GALNT7: variants seen among roughly 807,000 people sequenced by gnomAD.
GALNT7 encodes the protein N-acetylgalactosaminyltransferase 7.
GALNT7 carries 60 observed loss-of-function variants against 82.1 expected under a neutral mutation model. The ratio of observed to expected loss-of-function variants is 0.73; its 90% confidence interval spans 0.59 to 0.91. GALNT7 has a LOEUF of 0.91. Among genes scored for constraint, GALNT7 ranks in the 40% least tolerant of loss-of-function variants. GALNT7 has a pLI of 0.00. For synonymous variants in GALNT7, 243 were observed against 275.1 expected, an observed-to-expected ratio of 0.88 and a Z score of 1.15; for missense variants, 660 against 804.2, an observed-to-expected ratio of 0.82 and a Z score of 2.17.
intron 1 of GALNT7, among the ~76,000 whole-genome samples, chr4:173,225,936 A>G (rs1394995733): frequency 6.6e-6 from 1 of 152,176 alleles, no homozygotes; most frequent in South Asian, 2.1e-4. Context: ...GAGCTAGGGT[A>G]GTTGTTCAAA....
chr4:173,246,409 CAT>C (rs1174651047), intron 1 of GALNT7, among the ~76,000 whole-genome samples: 1 of 152,026 alleles, frequency 6.6e-6, no homozygotes, highest in Admixed American at 6.5e-5. Context: ...TATATATACA[CAT>C]GTATGTTTAT....
intron 1 of GALNT7, among the ~76,000 whole-genome samples, chr4:173,183,890 C>A (rs1478137312): frequency 6.6e-6 from 1 of 150,918 alleles, no homozygotes; most frequent in Admixed American, 6.6e-5. Context: ...GACGGGGCGG[C>A]TGCCGGGTGG....
intron 1 of GALNT7, among the ~76,000 whole-genome samples, chr4:173,210,173 T>G (rs1333250765): frequency 6.6e-6 from 1 of 151,982 alleles, no homozygotes. Flanking sequence ...TATTTAATTA[T>G]GCTTACCTAG....
At position 173,247,996 on chromosome 4, in the gene GALNT7, A is replaced by T. The variant is rs187257127; in HGVS notation, c.143A>T (p.Asn48Ile). The T allele has an allele frequency of 6.2e-7, 1 of 1,611,600 alleles. No individual in the cohort carries two copies. Among genetic ancestry groups the T allele is most frequent in the Admixed American group, 1.7e-5 (1 of 59,826 alleles). ...LSRMREDRDV[N>I]DPMPNRGGNG... ...TTTGTATAGGAAGACAGAGATGTCA[A>T]TGACCCCATGCCCAACCGAGGCGGC... Residue 48 changes from asparagine (N) to isoleucine (I), a missense_variant, in exon 2 of 12, where the codon AAT becomes ATT. By Grantham distance (149) the Asn-to-Ile change is moderately radical. Coordinates refer to ENST00000265000, the MANE Select transcript of GALNT7 (RefSeq NM_017423.3).
At chr4:173,216,039 G>T (rs1733439994) in intron 1 of GALNT7, among the ~76,000 whole-genome samples, 3 of 152,140 alleles carry the variant, frequency 2.0e-5, no homozygotes, top group Non-Finnish European at 1.5e-5. Context: ...TGGGAGGATG[G>T]CTTGAGCCTG....
chr4:173,284,321 G>T (rs1736230922), intron 2 of GALNT7, among the ~76,000 whole-genome samples: 1 of 152,184 alleles, frequency 6.6e-6, no homozygotes, highest in African/African-American at 2.4e-5. Flanking sequence ...TCAAGAACAT[G>T]ATTGACAAAT....
intron 2 of GALNT7, among the ~76,000 whole-genome samples, chr4:173,261,574 T>C (rs1244689697): frequency 2.0e-5 from 3 of 152,106 alleles, no homozygotes; most frequent in Non-Finnish European, 4.4e-5. Context: ...CCCAGCACTT[T>C]GGGAGGCCAA....
chr4:173,281,335 C>A (rs541560438), intron 2 of GALNT7, among the ~76,000 whole-genome samples: 14 of 152,320 alleles, frequency 9.2e-5, no homozygotes, highest in Admixed American at 2.0e-4. Context: ...CCTCACCAGA[C>A]CCACTATGGG....
Position 173,318,497 on chromosome 4 carries a change from G to A in GALNT7, c.1774G>A (p.Gly592Arg). ...YDQCLTKGAD[G>R]SKVMITHCNL... is the part of the protein sequence containing the mutation. ...CCAGTGTTTGACAAAGGGAGCTGAT[G>A]GATCAAAAGTTATGATTACACACTG... The change falls in exon 11 of 12, where the codon GGA becomes AGA. Residue 592 changes from glycine to arginine, a missense_variant. Gly to Arg is a moderately radical substitution (Grantham distance 125, BLOSUM62 -2). Transcript: ENST00000265000. 2 of 1,582,094 alleles carry A rather than the reference G, an allele frequency of 1.3e-6. No homozygotes were observed. The highest frequency in any genetic ancestry group is 1.7e-6 in the Non-Finnish European group (2 of 1,152,080).
intron 1 of GALNT7, among the ~76,000 whole-genome samples, chr4:173,240,978 T>C: frequency 6.6e-6 from 1 of 152,120 alleles, no homozygotes; most frequent in Non-Finnish European, 1.5e-5. Flanking sequence ...GGGAGGGGAT[T>C]GCACTGGATG....
intron 1 of GALNT7, among the ~76,000 whole-genome samples, chr4:173,203,119 G>A (rs1258534696): frequency 3.3e-5 from 5 of 150,520 alleles, no homozygotes; most frequent in Admixed American, 6.6e-5. Context: ...TTTTTGAGAC[G>A]GAGTCTCGCT....
At chr4:173,245,482 G>A (rs1579950232) in intron 1 of GALNT7, among the ~76,000 whole-genome samples, 2 of 152,090 alleles carry the variant, frequency 1.3e-5, no homozygotes, top group East Asian at 1.9e-4. Context: ...GACATCATAT[G>A]AGCTGTTCCA....
At chr4:173,245,942 C>A (rs1734614197) in intron 1 of GALNT7, among the ~76,000 whole-genome samples, 1 of 152,164 alleles carries the variant, frequency 6.6e-6, no homozygotes, top group African/African-American at 2.4e-5. Context: ...GTGGGACAAT[C>A]AGAAGGCTGA....
Position 173,303,998 on chromosome 4 carries a change from A to T in GALNT7, c.1269A>T (p.Ile423=), listed in dbSNP as rs1275282591. 2 of 1,607,884 alleles carry T rather than the reference A, an allele frequency of 1.2e-6. No individual in the cohort carries two copies. Among genetic ancestry groups the T allele is most frequent in the Non-Finnish European group, 1.7e-6 (2 of 1,177,136 alleles). The change falls in exon 8 of 12, where the codon ATA becomes ATT. Residue 423 remains isoleucine, a splice_region_variant and synonymous_variant. Transcript: ENST00000265000. ...GGENFEISYK[I]WQCGGKLLFV... ...CACAACGTGTTTTTCCTTCATAGATATGGCAGTGTGGTGGCAAATTATTAT... is the reference window on the plus strand; with the variant it reads ...CACAACGTGTTTTTCCTTCATAGATTTGGCAGTGTGGTGGCAAATTATTAT...
At chr4:173,183,643 C>A (rs1030978001) in intron 1 of GALNT7, among the ~76,000 whole-genome samples, 31 of 152,310 alleles carry the variant, frequency 2.0e-4, no homozygotes, top group Admixed American at 1.6e-3. Context: ...GTCATCATGG[C>A]CCGTTCTCAA....
At chr4:173,284,377 T>C (rs1736233270) in intron 2 of GALNT7, among the ~76,000 whole-genome samples, 2 of 152,258 alleles carry the variant, frequency 1.3e-5, no homozygotes, top group Non-Finnish European at 2.9e-5. Flanking sequence ...ACAACCTTAA[T>C]TGTGATTGAT....
intron 1 of GALNT7, among the ~76,000 whole-genome samples, chr4:173,203,906 C>T (rs1412031154): frequency 6.6e-6 from 1 of 152,176 alleles, no homozygotes; most frequent in African/African-American, 2.4e-5. Flanking sequence ...CTGAATTTGA[C>T]TGTGTACTTT....
At chr4:173,245,933 T>C (rs1408195260) in intron 1 of GALNT7, among the ~76,000 whole-genome samples, 1 of 152,116 alleles carries the variant, frequency 6.6e-6, no homozygotes, top group Non-Finnish European at 1.5e-5. Flanking sequence ...GTCTCTGAGG[T>C]GGGACAATCA....
At chr4:173,295,156 AT>A (rs1351618487) in intron 3 of GALNT7, among the ~76,000 whole-genome samples, 1 of 152,202 alleles carries the variant, frequency 6.6e-6, no homozygotes, top group Non-Finnish European at 1.5e-5. Context: ...GTCAATTCGA[AT>A]AATCATTGTT....
Sources: gnomAD v4.1 joint callset for allele counts (sites outside exome capture counted in the v4.1 genomes callset) on GRCh38, gnomAD v4.1.1 for gene constraint, MANE v1.5 for transcripts, NCBI Gene and HGNC (gene_info 2026-07-23, HGNC 2026-07-21) for gene names.